The following OPCML variants were observed in gnomAD, a reference collection of about 807,000 sequenced individuals.
The protein encoded by OPCML is opioid-binding protein/cell adhesion molecule.
Under a neutral mutation model 37.8 loss-of-function variants are expected in OPCML, and 13 were observed. That is an observed-to-expected ratio of 0.34 (90% CI 0.22 to 0.55). The LOEUF (loss-of-function observed/expected upper bound fraction) is 0.55, where lower values mean the gene tolerates loss of function less well. Ranked by LOEUF, OPCML falls within the 20% of genes least tolerant of loss-of-function variation. The pLI, the probability that OPCML is intolerant of heterozygous loss-of-function variation, is 0.91. For synonymous variants in OPCML, 176 were observed against 168.8 expected, an observed-to-expected ratio of 1.04 and a Z score of -0.33; for missense variants, 341 against 435.6, an observed-to-expected ratio of 0.78 and a Z score of 1.93.
chr11:132,651,787 T>C (rs1225928607), intron 3 of OPCML, among the ~76,000 whole-genome samples: 2 of 152,240 alleles, frequency 1.3e-5, no homozygotes, highest in Non-Finnish European at 2.9e-5. Flanking sequence ...TTTGTTTACA[T>C]AGAAATTGCA....
chr11:133,014,481 C>T (rs937213348), intron 1 of OPCML, among the ~76,000 whole-genome samples: 1 of 152,146 alleles, frequency 6.6e-6, no homozygotes, highest in East Asian at 1.9e-4. Flanking sequence ...AGGCTCCTTC[C>T]CCATGAAGGA....
At chr11:132,857,734 T>C (rs1391699808) in intron 2 of OPCML, among the ~76,000 whole-genome samples, 1 of 152,210 alleles carries the variant, frequency 6.6e-6, no homozygotes, top group African/African-American at 2.4e-5. Flanking sequence ...AAATTACTTA[T>C]GCTAACATGT....
rs573721164 is a variant in OPCML, at chr11:133,328,938, C to T, written c.61+203326G>A. ...TGATTGTATATCTAGAAAACCCCAT[C>T]GTCTCAGCCCAAAATCGCCTCAAGC... is the stretch of plus-strand genomic sequence containing the variant. On this transcript the variant is annotated intron_variant, in intron 1 of 7. Coordinates refer to ENST00000524381, the MANE Select transcript of OPCML (RefSeq NM_001012393.5). Among the ~76,000 whole-genome samples, 37 of 152,258 alleles carry T rather than the reference C, an allele frequency of 2.4e-4. No homozygotes were observed. In the East Asian group the frequency reaches 4.1e-3, roughly 17 times the overall value.
At chr11:132,875,610 A>G (rs1450500505) in intron 2 of OPCML, among the ~76,000 whole-genome samples, 1 of 152,140 alleles carries the variant, frequency 6.6e-6, no homozygotes, top group East Asian at 1.9e-4. Context: ...GAGTACAGGC[A>G]TGCACCACCA....
chr11:132,893,853 G>T (rs2136470444), intron 2 of OPCML, among the ~76,000 whole-genome samples: 1 of 152,308 alleles, frequency 6.6e-6, no homozygotes, highest in East Asian at 1.9e-4. Flanking sequence ...CAATAAGCAA[G>T]GTGGAGTTAT....
At position 132,857,074 on chromosome 11, in the gene OPCML, C is replaced by T. The variant is rs182034868; in HGVS notation, c.146+85852G>A. Reference sequence around the variant, plus strand: ...ACCCATACGGATTTACCAATGTTAACAATTGTACCATTTTTACATTCACAC... The same window carrying T: ...ACCCATACGGATTTACCAATGTTAATAATTGTACCATTTTTACATTCACAC... On this transcript the variant is annotated intron_variant, in intron 2 of 7. Coordinates refer to ENST00000524381, the MANE Select transcript of OPCML (RefSeq NM_001012393.5). Among the ~76,000 whole-genome samples, 447 of 152,270 alleles carry T rather than the reference C, an allele frequency of 2.9e-3. 7 individuals are homozygous for T. Among genetic ancestry groups the T allele is most frequent in the Non-Finnish European group, 1.1e-3 (74 of 68,006 alleles).
At chr11:133,096,675 GAGAC>G (rs1218689193) in intron 1 of OPCML, among the ~76,000 whole-genome samples, 3 of 151,908 alleles carry the variant, frequency 2.0e-5, no homozygotes, top group Non-Finnish European at 4.4e-5. Flanking sequence ...AAAAAGTAAA[GAGAC>G]AGAAGAAAAT....
At chr11:132,901,913 A>G (rs113500730) in intron 2 of OPCML, among the ~76,000 whole-genome samples, 2 of 152,230 alleles carry the variant, frequency 1.3e-5, no homozygotes, top group African/African-American at 4.8e-5. Flanking sequence ...CTTGGTACTT[A>G]AAGAAATCCT....
At chr11:132,776,167 G>T (rs1946802924) in intron 2 of OPCML, among the ~76,000 whole-genome samples, 1 of 152,176 alleles carries the variant, frequency 6.6e-6, no homozygotes, top group Non-Finnish European at 1.5e-5. Flanking sequence ...GTCCTCAGGT[G>T]ATCCGCCAGC....
At chr11:132,552,429 G>A (rs1053294391) in intron 3 of OPCML, among the ~76,000 whole-genome samples, 2 of 152,110 alleles carry the variant, frequency 1.3e-5, no homozygotes, top group Non-Finnish European at 2.9e-5. Flanking sequence ...TTATCTGTAG[G>A]TTGGTACTGA....
intron 7 of OPCML, among the ~76,000 whole-genome samples, chr11:132,426,525 C>G (rs1440071619): frequency 6.6e-6 from 1 of 152,056 alleles, no homozygotes; most frequent in Non-Finnish European, 1.5e-5. Flanking sequence ...ATCTGCCTTT[C>G]AGGTTCAAGT....
chr11:133,503,549 A>T (rs1470943316), intron 1 of OPCML, among the ~76,000 whole-genome samples: 1 of 152,240 alleles, frequency 6.6e-6, no homozygotes, highest in African/African-American at 2.4e-5. Context: ...AAAGTGAAAT[A>T]TATGATACTG....
chr11:133,171,419 C>A (rs899324429), intron 1 of OPCML, among the ~76,000 whole-genome samples: 1 of 152,224 alleles, frequency 6.6e-6, no homozygotes, highest in Non-Finnish European at 1.5e-5. Context: ...CCGTGTGCCA[C>A]ATCAGTCCCC....
At chr11:133,433,792 G>C (rs1470422786) in intron 1 of OPCML, among the ~76,000 whole-genome samples, 1 of 152,120 alleles carries the variant, frequency 6.6e-6, no homozygotes, top group Non-Finnish European at 1.5e-5. Context: ...TTTAGGGTCT[G>C]TGGCTCCAGG....
chr11:133,277,004 A>G (rs971979521), intron 1 of OPCML, among the ~76,000 whole-genome samples: 3 of 152,320 alleles, frequency 2.0e-5, no homozygotes, highest in Admixed American at 1.3e-4. Context: ...GGTATTTCAA[A>G]TGTATCGACT....
intron 3 of OPCML, among the ~76,000 whole-genome samples, chr11:132,605,411 A>G (rs1227902472): frequency 4.0e-5 from 6 of 151,858 alleles, no homozygotes; most frequent in Admixed American, 3.9e-4. Flanking sequence ...AAAAAAAAAA[A>G]AAGTTAGCTG....
At position 132,648,521 on chromosome 11, in the gene OPCML, CTT is replaced by C. The variant is rs770218241; in HGVS notation, c.379+8564_379+8565del. Among the ~76,000 whole-genome samples the C allele has an allele frequency of 1.5e-3, 203 of 139,432 alleles. No homozygotes were observed. The South Asian group carries it at 0.018, about 12-fold the overall frequency. 91.5% of individuals were successfully genotyped at this position (139,432 alleles called of 152,430 possible). Reference sequence around the variant, plus strand: ...CCCAGGCCCTGACACTTCTCTCTGTCTTTTTTTTTTTTTTTTCAGACAGAGTC... The same window carrying C: ...CCCAGGCCCTGACACTTCTCTCTGTCTTTTTTTTTTTTTTCAGACAGAGTC... On this transcript the variant is annotated intron_variant, in intron 3 of 7. Transcript: ENST00000524381.
At chr11:133,010,706 C>T (rs1022411317) in intron 1 of OPCML, among the ~76,000 whole-genome samples, 2 of 151,934 alleles carry the variant, frequency 1.3e-5, no homozygotes, top group Non-Finnish European at 2.9e-5. Flanking sequence ...TGATAAGAAG[C>T]CAAGTGAAAT....
intron 2 of OPCML, among the ~76,000 whole-genome samples, chr11:132,698,044 C>T (rs1943664950): frequency 6.9e-6 from 1 of 145,546 alleles, no homozygotes; most frequent in African/African-American, 2.6e-5. Context: ...GATGGGATCT[C>T]TTCTTGTTGC....
Sources: gnomAD v4.1 joint callset for allele counts (sites outside exome capture counted in the v4.1 genomes callset) on GRCh38, gnomAD v4.1.1 for gene constraint, MANE v1.5 for transcripts, NCBI Gene and HGNC (gene_info 2026-07-23, HGNC 2026-07-21) for gene names.